ETV1: variants seen among roughly 807,000 people sequenced by gnomAD.
ETV1 encodes the protein ETS translocation variant 1.
A neutral mutation model predicts 62.3 loss-of-function variants in ETV1; 27 were observed. The ratio of observed to expected loss-of-function variants is 0.43; its 90% CI spans 0.32 to 0.60. The LOEUF (loss-of-function observed/expected upper bound fraction) is 0.60. Among genes scored for constraint, ETV1 ranks in the 20% least tolerant of loss-of-function variants. The pLI is 0.06. For missense variants in ETV1, 605 were observed against 605.8 expected (o/e 1.00, Z 0.01); for synonymous variants, 222 against 199.6 (o/e 1.11, Z -0.94).
At chr7:13,939,821 CCTAT>C (rs1562650497) in intron 6 of ETV1, among the ~76,000 whole-genome samples, 1 of 152,092 alleles carries the variant, frequency 6.6e-6, no homozygotes, top group Non-Finnish European at 1.5e-5. Flanking sequence ...TAAGTATCTG[CCTAT>C]CTAATTACCA....
At chr7:13,983,326 C>A (rs1782190752) in intron 5 of ETV1, among the ~76,000 whole-genome samples, 1 of 151,894 alleles carries the variant, frequency 6.6e-6, no homozygotes, top group Admixed American at 6.6e-5. Context: ...CTTTAAGAAG[C>A]AAATTTGGAA....
rs1321014714 is a variant in ETV1 at position 13,893,919 on chromosome 7, T to C, written c.*1947A>G. On this transcript the variant is annotated 3_prime_UTR_variant, in exon 14 of 14. Transcript: ENST00000430479. Reference sequence around the variant, plus strand: ...ACATGATGTATATGAACAACAATCATTGAAATCGCAGGTTACATACATATT... The same window carrying C: ...ACATGATGTATATGAACAACAATCACTGAAATCGCAGGTTACATACATATT... 3 of 233,084 alleles carry C rather than the reference T, an allele frequency of 1.3e-5. No individual in the cohort carries two copies. The highest frequency in any genetic ancestry group is 6.1e-5 in the East Asian group (1 of 16,468). 14.4% of individuals were successfully genotyped at this position (233,084 alleles called of 1,614,324 possible). A position where few individuals can be genotyped will look rare whatever the true frequency, so the allele number is the denominator to read the frequency against.
chr7:13,941,074 AAG>A (rs1189143963), intron 6 of ETV1, among the ~76,000 whole-genome samples: 1 of 152,150 alleles, frequency 6.6e-6, no homozygotes, highest in African/African-American at 2.4e-5. Context: ...GAAAAGAAAA[AAG>A]AGAAATTTTG....
intron 9 of ETV1, among the ~76,000 whole-genome samples, chr7:13,917,288 G>GTATT (rs71548060): frequency 0.14 from 20,807 of 145,172 alleles, 1,574 homozygotes; most frequent in South Asian, 0.17. Context: ...GTAACTTTGA[G>GTATT]TATTTATTTA....
At chr7:13,991,040 AAACAACCAAT>A (rs1448435522), upstream of ETV1, 1 of 152,314 alleles carries the variant, frequency 6.6e-6, no homozygotes, top group African/African-American at 2.4e-5. Flanking sequence ...ATTACTGGGA[AAACAACCAAT>A]AACTATGGAC....
chr7:13,980,702 AGTCTCAGGATGTC>A (rs769183374), intron 5 of ETV1, among the ~76,000 whole-genome samples: 32 of 152,146 alleles, frequency 2.1e-4, no homozygotes, highest in Non-Finnish European at 3.8e-4. Flanking sequence ...GTTGCCATCA[AGTCTCAGGATGTC>A]GGCTTTAAAA....
chr7:13,900,627 A>G, intron 13 of ETV1, 111 bp downstream of exon 13: 1 of 725,490 alleles, frequency 1.4e-6, no homozygotes, highest in South Asian at 2.1e-5. Context: ...CATTTGTTAA[A>G]ATGAGTGAAA....
intron 6 of ETV1, among the ~76,000 whole-genome samples, chr7:13,952,536 G>A (rs1435787657): frequency 6.6e-6 from 1 of 152,144 alleles, no homozygotes; most frequent in African/African-American, 2.4e-5. Flanking sequence ...TTGGGTGTAA[G>A]TACTATATTT....
intron 7 of ETV1, among the ~76,000 whole-genome samples, chr7:13,938,792 A>G (rs1326674781): frequency 3.9e-5 from 6 of 152,340 alleles, no homozygotes; most frequent in African/African-American, 7.2e-5. Flanking sequence ...CAAACTCTCT[A>G]TCTAAAGTGT....
chr7:13,977,344 C>A (rs780233989), intron 6 of ETV1, 83 bp downstream of exon 6: 3 of 891,858 alleles, frequency 3.4e-6, no homozygotes, highest in Non-Finnish European at 5.3e-6. Context: ...AGACACTGGA[C>A]GTGAAAACCA....
At chr7:13,916,101 G>C (rs763844829) in intron 9 of ETV1, among the ~76,000 whole-genome samples, 26 of 152,158 alleles carry the variant, frequency 1.7e-4, no homozygotes, top group Admixed American at 5.9e-4. Flanking sequence ...AGCAAAGCTG[G>C]AGAAATCCTG....
intron 9 of ETV1, among the ~76,000 whole-genome samples, chr7:13,916,855 G>A (rs977144342): frequency 1.5e-4 from 22 of 151,298 alleles, no homozygotes; most frequent in Admixed American, 7.9e-4. Context: ...TGGTTTGAGC[G>A]CAGGAGGCAG....
In ETV1 at chr7:13,916,620, G is replaced by C. The variant is rs558554931; in HGVS notation, c.803-5313C>G. ...GCCACTGCACTCCAGCTGTGACAGA[G>C]TGAGACTCCATCTCAAAAAAAGAGT... On this transcript the variant is annotated intron_variant, in intron 9 of 13. Transcript: ENST00000430479. Among the ~76,000 whole-genome samples the C allele has an allele frequency of 2.6e-5, 4 of 151,698 alleles. No individual in the cohort carries two copies. The South Asian group carries it at 8.3e-4, about 32-fold the overall frequency.
chr7:13,969,586 G>A (rs1334189561), intron 6 of ETV1, among the ~76,000 whole-genome samples: 1 of 152,140 alleles, frequency 6.6e-6, no homozygotes, highest in East Asian at 1.9e-4. Context: ...CAGTTCCTTA[G>A]AGATACAGAA....
intron 9 of ETV1, among the ~76,000 whole-genome samples, chr7:13,921,658 T>C (rs1784863926): frequency 6.6e-6 from 1 of 152,158 alleles, no homozygotes; most frequent in Non-Finnish European, 1.5e-5. Context: ...TTATTTATTA[T>C]GGCATTATGA....
intron 9 of ETV1, among the ~76,000 whole-genome samples, chr7:13,922,243 G>C (rs995597776): frequency 3.9e-5 from 6 of 152,142 alleles, no homozygotes; most frequent in Admixed American, 3.3e-4. Flanking sequence ...CCTTGAGATA[G>C]ACTGTTGTGG....
chr7:13,931,363 G>C (rs1277282665), intron 9 of ETV1, 139 bp downstream of exon 9: 4 of 871,676 alleles, frequency 4.6e-6, no homozygotes, highest in East Asian at 2.6e-5. Context: ...CGTAGATGAA[G>C]TTTCAATGAA....
At chr7:13,931,870 C>T in intron 8 of ETV1, 121 bp from the exon 9 acceptor site, 1 of 1,176,576 alleles carries the variant, frequency 8.5e-7, no homozygotes, top group Non-Finnish European at 1.2e-6. Context: ...AAGCGTAAAT[C>T]TTTAACAAGC....
At chr7:13,923,936 G>C (rs1785132296) in intron 9 of ETV1, among the ~76,000 whole-genome samples, 1 of 152,100 alleles carries the variant, frequency 6.6e-6, no homozygotes, top group African/African-American at 2.4e-5. Flanking sequence ...TCAGGAGGCT[G>C]AGGCAGGAGA....
Sources: gnomAD v4.1 joint callset for allele counts (sites outside exome capture counted in the v4.1 genomes callset) on GRCh38, gnomAD v4.1.1 for gene constraint, MANE v1.5 for transcripts, NCBI Gene and HGNC (gene_info 2026-07-23, HGNC 2026-07-21) for gene names.